PTPRD: variants seen among roughly 807,000 people sequenced by gnomAD.
The protein encoded by PTPRD is receptor-type tyrosine-protein phosphatase delta.
PTPRD carries 34 observed loss-of-function variants against 214.5 expected under a neutral mutation model. The ratio of observed to expected loss-of-function variants is 0.16; its 90% confidence interval spans 0.12 to 0.21. PTPRD has a LOEUF of 0.21. Ranked by LOEUF, PTPRD falls within the 10% of genes least tolerant of loss-of-function variation. The pLI is 1.00. For synonymous variants in PTPRD, 1,128 were observed against 845.7 expected (o/e 1.33, Z -5.79); for missense variants, 2,545 against 2,398.7 (o/e 1.06, Z -1.27).
intron 2 of PTPRD, among the ~76,000 whole-genome samples, chr9:10,608,104 T>C (rs1293970010): frequency 6.6e-6 from 1 of 152,034 alleles, no homozygotes; most frequent in African/African-American, 2.4e-5. Flanking sequence ...TTTCTAGCTC[T>C]TACAGTCTAC....
intron 7 of PTPRD, among the ~76,000 whole-genome samples, chr9:9,632,115 C>T (rs909358224): frequency 1.3e-5 from 2 of 152,104 alleles, no homozygotes; most frequent in Admixed American, 1.3e-4. Flanking sequence ...TTCATAGCAG[C>T]GTTATTCACA....
chr9:10,314,971 T>C (rs2096382778), intron 3 of PTPRD, among the ~76,000 whole-genome samples: 1 of 151,980 alleles, frequency 6.6e-6, no homozygotes. Context: ...TTGTACCTCC[T>C]AACTCTACTT....
intron 36 of PTPRD, among the ~76,000 whole-genome samples, chr9:8,403,905 C>T (rs1051461311): frequency 2.6e-5 from 4 of 152,150 alleles, no homozygotes; most frequent in African/African-American, 9.7e-5. Flanking sequence ...CTGACAATCA[C>T]CTGTTCATTC....
At chr9:8,773,865 T>C (rs1010729668) in intron 11 of PTPRD, among the ~76,000 whole-genome samples, 1 of 152,228 alleles carries the variant, frequency 6.6e-6, no homozygotes, top group African/African-American at 2.4e-5. Context: ...TTTTCTGCCC[T>C]GGCTACTGAG....
At position 9,646,319 on chromosome 9, in the gene PTPRD, GT is replaced by G. The variant is rs1188411395; in HGVS notation, c.-286-71539del. The stretch of plus-strand genomic sequence containing the variant: ...TTGGGAGGGGTGTGTGTGTGTGTGG[GT>G]GTGTGTGTGTGTGTGTGTGTGTGGG... On this transcript the variant is annotated intron_variant, in intron 7 of 45. Coordinates refer to ENST00000381196, the MANE Select transcript of PTPRD (RefSeq NM_002839.4). Among the ~76,000 whole-genome samples, 27 of 108,814 alleles carry G rather than the reference GT, an allele frequency of 2.5e-4. 1 individual carries two copies. Among genetic ancestry groups the G allele is most frequent in the South Asian group, 5.5e-4 (2 of 3,616 alleles). The allele number at this position is 108,814 out of a possible 152,430, so 71.4% of individuals were successfully genotyped here.
chr9:9,417,927 T>A (rs1328932965), intron 8 of PTPRD, among the ~76,000 whole-genome samples: 1 of 152,090 alleles, frequency 6.6e-6, no homozygotes, highest in East Asian at 1.9e-4. Context: ...CTCTTTTCTG[T>A]TGATAAAATA....
chr9:8,723,183 G>C (rs1044973116), intron 12 of PTPRD, among the ~76,000 whole-genome samples: 1 of 151,974 alleles, frequency 6.6e-6, no homozygotes, highest in Non-Finnish European at 1.5e-5. Flanking sequence ...GAACACACTA[G>C]GCTCCCTCCT....
intron 9 of PTPRD, among the ~76,000 whole-genome samples, chr9:9,372,130 C>T (rs1057435827): frequency 8.6e-5 from 13 of 151,882 alleles, no homozygotes; most frequent in Admixed American, 1.3e-4. Context: ...CTATTAGGTC[C>T]GCTTGGTGCA....
At chr9:10,353,007 G>T (rs1036613712) in intron 2 of PTPRD, among the ~76,000 whole-genome samples, 1 of 151,866 alleles carries the variant, frequency 6.6e-6, no homozygotes, top group Non-Finnish European at 1.5e-5. Context: ...GCCACAGAGG[G>T]TATGTATGTG....
At chr9:10,118,862 C>T (rs1189762138) in intron 3 of PTPRD, among the ~76,000 whole-genome samples, 1 of 95,666 alleles carries the variant, frequency 1.0e-5, no homozygotes, top group African/African-American at 3.6e-5. Context: ...CTGGGAAATA[C>T]ACCAAAAATA....
chr9:9,941,655 T>G (rs550159773), intron 4 of PTPRD, among the ~76,000 whole-genome samples: 12 of 152,230 alleles, frequency 7.9e-5, no homozygotes, highest in African/African-American at 2.6e-4. Context: ...TTTGTCACAA[T>G]GTAAGGAAAG....
At chr9:8,743,142 TAATACATTGCTTTCTAAACCC>T (rs1170939254) in intron 11 of PTPRD, among the ~76,000 whole-genome samples, 1 of 150,482 alleles carries the variant, frequency 6.6e-6, no homozygotes, top group African/African-American at 2.4e-5. Context: ...AGACATAATC[TAATACATTGCTTTCTAAACCC>T]ACCAATTTTA....
intron 9 of PTPRD, among the ~76,000 whole-genome samples, chr9:9,195,104 A>ATG (rs1400699918): frequency 7.2e-6 from 1 of 139,744 alleles, no homozygotes; most frequent in African/African-American, 2.6e-5. Flanking sequence ...ATATATATAT[A>ATG]TATACACACA....
intron 11 of PTPRD, among the ~76,000 whole-genome samples, chr9:8,846,104 C>A (rs553054372): frequency 1.3e-5 from 2 of 152,284 alleles, no homozygotes; most frequent in African/African-American, 2.4e-5. Context: ...TGAGTAGATA[C>A]ACACACTCTA....
chr9:8,840,096 A>G (rs189522241), intron 11 of PTPRD, among the ~76,000 whole-genome samples: 48 of 152,322 alleles, frequency 3.2e-4, no homozygotes, highest in African/African-American at 1.1e-3. Flanking sequence ...TAGATGAATA[A>G]AAGTTACGGT....
At chr9:8,520,241 TTATTA>T (rs1325886055) in intron 20 of PTPRD, among the ~76,000 whole-genome samples, 2 of 152,334 alleles carry the variant, frequency 1.3e-5, no homozygotes, top group East Asian at 3.9e-4. Flanking sequence ...ACATGTGTGC[TTATTA>T]TATTAAGGTT....
intron 7 of PTPRD, among the ~76,000 whole-genome samples, chr9:9,580,468 C>G (rs990229731): frequency 6.6e-6 from 1 of 151,668 alleles, no homozygotes; most frequent in East Asian, 1.9e-4. Flanking sequence ...TAATGATGAG[C>G]ATTTTTGATG....
At chr9:9,323,861 G>A (rs1968099048) in intron 9 of PTPRD, among the ~76,000 whole-genome samples, 1 of 152,018 alleles carries the variant, frequency 6.6e-6, no homozygotes, top group South Asian at 2.1e-4. Flanking sequence ...CCCACAACAG[G>A]CCCTGGTGTG....
At chr9:10,011,591 G>A (rs555604634) in intron 4 of PTPRD, among the ~76,000 whole-genome samples, 1 of 151,974 alleles carries the variant, frequency 6.6e-6, no homozygotes, top group African/African-American at 2.4e-5. Flanking sequence ...AATACCCAGT[G>A]CAAGATTGGC....
Sources: allele counts gnomAD v4.1 joint callset (sites outside exome capture counted in the v4.1 genomes callset), GRCh38; gene constraint gnomAD v4.1.1; transcripts MANE v1.5; gene names NCBI Gene and HGNC (gene_info 2026-07-23, HGNC 2026-07-21).